KIF26B: variants seen among roughly 807,000 people sequenced by gnomAD.
The protein encoded by KIF26B is kinesin family member 26B, also known as kinesin-like protein KIF26B.
A neutral mutation model predicts 151.2 loss-of-function variants in KIF26B; 63 were observed. The observed-to-expected ratio is 0.42, with a 90% CI of 0.34 to 0.51. The LOEUF (loss-of-function observed/expected upper bound fraction) is 0.51, where lower values mean the gene tolerates loss of function less well. Among genes scored for constraint, KIF26B ranks in the 20% least tolerant of loss-of-function variants. KIF26B has a pLI of 0.07. For missense variants in KIF26B, 2,813 were observed against 2,913.6 expected, an observed-to-expected ratio of 0.97 and a Z score of 0.79; for synonymous variants, 1,357 against 1,262.1, an observed-to-expected ratio of 1.08 and a Z score of -1.59.
At chr1:245,581,432 T>C (rs1271646184) in intron 5 of KIF26B, among the ~76,000 whole-genome samples, 3 of 150,592 alleles carry the variant, frequency 2.0e-5, no homozygotes, top group Admixed American at 1.3e-4. Context: ...AATAGAGAAA[T>C]AGAAGATAGG....
rs2044026181 is a variant in KIF26B at position 245,652,152 on chromosome 1, G to GAA, written c.2258+5873_2258+5874insAA. ...TGTGTGTGTGTGTGTGTGTGAGAGAGACATATGCATATTTAACCTCCTTTA... is the reference window on the plus strand; with the variant it reads ...TGTGTGTGTGTGTGTGTGTGAGAGAGAAACATATGCATATTTAACCTCCTTTA... On this transcript the variant is annotated intron_variant, in intron 10 of 14. Coordinates refer to ENST00000407071, the MANE Select transcript of KIF26B (RefSeq NM_018012.4). Among the ~76,000 whole-genome samples, 2 of 147,408 alleles carry GAA rather than the reference G, an allele frequency of 1.4e-5. 1 individual carries two copies. Among genetic ancestry groups the GAA allele is most frequent in the Admixed American group, 1.4e-4 (2 of 14,632 alleles).
At chr1:245,668,355 T>G (rs2147938879) in intron 10 of KIF26B, among the ~76,000 whole-genome samples, 1 of 152,356 alleles carries the variant, frequency 6.6e-6, no homozygotes, top group South Asian at 2.1e-4. Flanking sequence ...GATGCAAGAA[T>G]TGTGCAACAA....
At chr1:245,433,850 C>A (rs1335955821) in intron 4 of KIF26B, among the ~76,000 whole-genome samples, 1 of 152,054 alleles carries the variant, frequency 6.6e-6, no homozygotes. Context: ...AAAACCAAAG[C>A]CTTAAGAGTC....
intron 5 of KIF26B, among the ~76,000 whole-genome samples, chr1:245,577,370 C>T (rs575175094): frequency 3.3e-5 from 5 of 149,910 alleles, no homozygotes; most frequent in Non-Finnish European, 7.5e-5. Flanking sequence ...ACGGGTGTCC[C>T]GACTCCCCCA....
intron 4 of KIF26B, among the ~76,000 whole-genome samples, chr1:245,492,019 G>A (rs1354464697): frequency 6.6e-6 from 1 of 152,162 alleles, no homozygotes; most frequent in Non-Finnish European, 1.5e-5. Flanking sequence ...TTCTCTGACT[G>A]TAAAATGGAG....
chr1:245,366,558 C>A (rs975586456), intron 2 of KIF26B, among the ~76,000 whole-genome samples: 2 of 149,900 alleles, frequency 1.3e-5, no homozygotes, highest in Admixed American at 6.6e-5. Context: ...AAAAAATATT[C>A]TTGACCAGCC....
intron 4 of KIF26B, among the ~76,000 whole-genome samples, chr1:245,425,503 T>C (rs1231612391): frequency 1.3e-5 from 2 of 152,098 alleles, no homozygotes; most frequent in South Asian, 4.2e-4. Flanking sequence ...ACCTCCCAGG[T>C]TCAAGCGATT....
At chr1:245,541,070 G>A (rs1661609943) in intron 5 of KIF26B, 120 bp downstream of exon 5, 1 of 817,076 alleles carries the variant, frequency 1.2e-6, no homozygotes, top group African/African-American at 1.7e-5. Flanking sequence ...GAGAAAAGGA[G>A]GCAAGATGAA....
At chr1:245,549,221 C>T (rs1218076292) in intron 5 of KIF26B, among the ~76,000 whole-genome samples, 2 of 152,146 alleles carry the variant, frequency 1.3e-5, no homozygotes, top group Non-Finnish European at 2.9e-5. Flanking sequence ...AATTGGTGGA[C>T]AGCCTTGGGG....
At chr1:245,290,265 C>T (rs1351514572) in intron 2 of KIF26B, among the ~76,000 whole-genome samples, 9 of 152,130 alleles carry the variant, frequency 5.9e-5, no homozygotes. Flanking sequence ...TTTTCAGTAC[C>T]TACTGTCACT....
At chr1:245,199,999 C>T (rs1212110495) in intron 2 of KIF26B, among the ~76,000 whole-genome samples, 1 of 152,188 alleles carries the variant, frequency 6.6e-6, no homozygotes, top group Non-Finnish European at 1.5e-5. Context: ...AGCAGCAAAT[C>T]GAAAGGAACA....
At chr1:245,316,524 C>G (rs1671779417) in intron 2 of KIF26B, among the ~76,000 whole-genome samples, 1 of 152,088 alleles carries the variant, frequency 6.6e-6, no homozygotes, top group African/African-American at 2.4e-5. Context: ...GAAAATCCAC[C>G]TCAATGATTT....
At chr1:245,205,855 C>T (rs1361279237) in intron 2 of KIF26B, among the ~76,000 whole-genome samples, 2 of 147,594 alleles carry the variant, frequency 1.4e-5, no homozygotes, top group East Asian at 5.1e-4. Flanking sequence ...CCCACACCCC[C>T]ACCCCCACCA....
At chr1:245,561,015 G>C (rs1238456283) in intron 5 of KIF26B, among the ~76,000 whole-genome samples, 1 of 152,184 alleles carries the variant, frequency 6.6e-6, no homozygotes, top group Non-Finnish European at 1.5e-5. Flanking sequence ...GGTGGCCCCA[G>C]ACCCCTTAGG....
chr1:245,549,353 G>T (rs1282645980), intron 5 of KIF26B, among the ~76,000 whole-genome samples: 4 of 152,188 alleles, frequency 2.6e-5, no homozygotes, highest in Admixed American at 2.6e-4. Context: ...AGGGCAATAA[G>T]ATGGATTATA....
chr1:245,249,309 T>A (rs997535023), intron 2 of KIF26B, among the ~76,000 whole-genome samples: 7 of 151,798 alleles, frequency 4.6e-5, no homozygotes, highest in African/African-American at 1.5e-4. Flanking sequence ...CTGTGTTAGC[T>A]GGGATGGTCT....
At chr1:245,582,225 G>A (rs7513390) in intron 5 of KIF26B, among the ~76,000 whole-genome samples, 11,258 of 152,160 alleles carry the variant, frequency 0.074, 474 homozygotes, top group Middle Eastern at 0.14. Context: ...AATTTACCAC[G>A]TGCCCGTCAA....
intron 5 of KIF26B, among the ~76,000 whole-genome samples, chr1:245,578,121 C>G (rs1335068021): frequency 6.6e-6 from 1 of 152,254 alleles, no homozygotes; most frequent in African/African-American, 2.4e-5. Flanking sequence ...CAGTGAGTCA[C>G]TGACTCAACT....
chr1:245,679,924 C>A (rs10458424), intron 10 of KIF26B, among the ~76,000 whole-genome samples: 9,133 of 152,110 alleles, frequency 0.06, 588 homozygotes, highest in East Asian at 0.33. Flanking sequence ...CCAACCTGTC[C>A]TCCATAGCCA....
Sources: gnomAD v4.1 joint callset for allele counts (sites outside exome capture counted in the v4.1 genomes callset) on GRCh38, gnomAD v4.1.1 for gene constraint, MANE v1.5 for transcripts, NCBI Gene and HGNC (gene_info 2026-07-23, HGNC 2026-07-21) for gene names.